VSIG8: variants seen among roughly 807,000 people sequenced by gnomAD.
The protein encoded by VSIG8 is V-set and immunoglobulin domain containing 8.
In VSIG8, 32 loss-of-function variants were observed where a neutral mutation model predicts 42.6. The observed-to-expected ratio is 0.75, with a 90% CI of 0.57 to 1.01. VSIG8 has a LOEUF of 1.01. Among genes scored for constraint, VSIG8 ranks in the 50% least tolerant of loss-of-function variants. VSIG8 has a pLI of 0.00. For missense variants in VSIG8, 529 were observed against 558.0 expected, an observed-to-expected ratio of 0.95 and a Z score of 0.52; for synonymous variants, 290 against 243.8, an observed-to-expected ratio of 1.19 and a Z score of -1.77.
chr1:159,854,847 G>T lies in VSIG8; in HGVS notation c.1151C>A (p.Ala384Glu). 6.7e-7 allele frequency: 1 copy of T among 1,483,126 alleles called. No homozygotes were observed. The allele number at this position is 1,483,126 out of a possible 1,614,324, so 91.9% of individuals were successfully genotyped here. A position where few individuals can be genotyped will look rare whatever the true frequency, so the allele number is the denominator to read the frequency against. Residue 384 changes from alanine (A) to glutamate (E), a missense_variant, in exon 7 of 7, where the codon GCG becomes GAG. By Grantham distance (107) the Ala-to-Glu change is moderately radical. Coordinates refer to ENST00000368100, the MANE Select transcript of VSIG8 (RefSeq NM_001013661.1). Reference sequence around the variant, plus strand: ...CTTGACGTAGACCGGGGAGGGGCCCGCTTCGCAGGCGGCGGCGGCGGTGCA... The same window carrying T: ...CTTGACGTAGACCGGGGAGGGGCCCTCTTCGCAGGCGGCGGCGGCGGTGCA... ...APCTAAAACE[A>E]GPSPVYVKVK...
At position 159,858,920 on chromosome 1, in the gene VSIG8, G is replaced by C; in HGVS notation, c.50-8C>G. 1 of 1,609,490 alleles carries C rather than the reference G, an allele frequency of 6.2e-7. No individual in the cohort carries two copies. On this transcript the variant is annotated splice_region_variant and splice_polypyrimidine_tract_variant and intron_variant, in intron 1 of 6. Transcript: ENST00000368100. ...GCACAGCAGACAGCAGTGCTAGGGG[G>C]AGGGCAGAGAAGATGGGGTGGTAGG...
At chr1:159,857,391 T>C (rs566056999) in intron 4 of VSIG8, among the ~76,000 whole-genome samples, 1 of 152,200 alleles carries the variant, frequency 6.6e-6, no homozygotes, top group East Asian at 1.9e-4. Context: ...CTGGCTAACA[T>C]GGTAAAACCC....
intron 2 of VSIG8, 139 bp from the exon 3 acceptor site, chr1:159,858,430 C>T: frequency 1.1e-6 from 1 of 883,774 alleles, no homozygotes; most frequent in South Asian, 1.6e-5. Context: ...GATGCCTGAG[C>T]CACTGACCTC....
chr1:159,854,771 C>T lies in VSIG8; in HGVS notation c.1227G>A (p.Lys409=). 6.7e-7 allele frequency: 1 copy of T among 1,500,618 alleles called. No individual in the cohort carries two copies. Among genetic ancestry groups the T allele is most frequent in the Admixed American group, 2.2e-5 (1 of 46,390 alleles). The allele number at this position is 1,500,618 out of a possible 1,614,324, so 93.0% of individuals were successfully genotyped here. A position where few individuals can be genotyped will look rare whatever the true frequency, so the allele number is the denominator to read the frequency against. Residue 409 remains lysine, a synonymous_variant, in exon 7 of 7, where the codon AAG becomes AAA. Coordinates refer to ENST00000368100, the MANE Select transcript of VSIG8 (RefSeq NM_001013661.1). ...ADCAEGPVQC[K]NGLLV ...CGCGCGCTCACACCAAGAGGCCGTT[C>T]TTGCACTGCACCGGCCCCTCGGCGC...
At position 159,862,492 on chromosome 1, in the gene VSIG8, T is replaced by C; in HGVS notation, c.30A>G (p.Leu10=). MRVGGAFHL[L]LVCLSPALLS... ...CCGTACCTGGGCTCAGGCACACGAG[T>C]AGAAGGTGGAATGCTCCTCCAACTC... Residue 10 remains leucine, a synonymous_variant, in exon 1 of 7, where the codon CTA becomes CTG. Transcript: ENST00000368100. 1 of 1,612,968 alleles carries C rather than the reference T, an allele frequency of 6.2e-7. No homozygotes were observed. Among genetic ancestry groups the C allele is most frequent in the Non-Finnish European group, 8.5e-7 (1 of 1,179,412 alleles).
intron 4 of VSIG8, 95 bp downstream of exon 4, chr1:159,857,650 T>G: frequency 1.0e-6 from 1 of 994,246 alleles, no homozygotes. Flanking sequence ...CCAGGTTTGA[T>G]TTGATGGCAC....
At chr1:159,858,972 C>A in intron 1 of VSIG8, 60 bp from the exon 2 acceptor site, 1 of 1,542,126 alleles carries the variant, frequency 6.5e-7, no homozygotes, top group South Asian at 1.2e-5. Context: ...CAGGAGGAGT[C>A]AGTGTCAGCC....
chr1:159,858,903 G>C lies in VSIG8; in HGVS notation c.59C>G (p.Ser20Cys), dbSNP rs1015345859. 1 of 1,613,282 alleles carries C rather than the reference G, an allele frequency of 6.2e-7. No individual in the cohort carries two copies. Among genetic ancestry groups the C allele is most frequent in the African/African-American group, 1.3e-5 (1 of 74,902 alleles). Residue 20 changes from serine to cysteine, a missense_variant, in exon 2 of 7, where the codon TCT (serine) becomes TGT (cysteine). Physicochemically the swap from Ser to Cys is moderately radical, Grantham distance 112. Coordinates refer to ENST00000368100, the MANE Select transcript of VSIG8 (RefSeq NM_001013661.1). ...LLVCLSPALL[S>C]AVRINGDGQE... ...TCCATCCCCGTTGATCCGCACAGCA[G>C]ACAGCAGTGCTAGGGGGAGGGCAGA...
At chr1:159,860,176 A>G (rs1318913859) in intron 1 of VSIG8, among the ~76,000 whole-genome samples, 1 of 152,160 alleles carries the variant, frequency 6.6e-6, no homozygotes, top group East Asian at 1.9e-4. Context: ...ATGTTTACAC[A>G]TAGAGATCTC....
At chr1:159,862,415 C>A in intron 1 of VSIG8, 58 bp downstream of exon 1, 1 of 1,546,294 alleles carries the variant, frequency 6.5e-7, no homozygotes, top group Non-Finnish European at 8.8e-7. Context: ...CCCTTGCTGC[C>A]CCTTTCCTTC....
At position 159,854,913 on chromosome 1, in the gene VSIG8, G is replaced by C; in HGVS notation, c.1085C>G (p.Pro362Arg). The C allele has an allele frequency of 6.7e-7, 1 of 1,497,182 alleles. No individual in the cohort carries two copies. The highest frequency in any genetic ancestry group is 8.8e-7 in the Non-Finnish European group (1 of 1,130,964). 92.7% of individuals were successfully genotyped at this position (1,497,182 alleles called of 1,614,324 possible). A position where few individuals can be genotyped will look rare whatever the true frequency, so the allele number is the denominator to read the frequency against. ...VSRSLRRKYA[P>R]PPCGGPEDVA... is the part of the protein sequence containing the mutation. ...GTCCTCGGGGCCGCCGCAGGGGGGA[G>C]GCGCGTACTTGCGGCGCAGGGAGCG... The change falls in exon 7 of 7, where the codon CCT (proline) becomes CGT (arginine). Residue 362 changes from proline to arginine, a missense_variant. Pro to Arg is a moderately radical substitution (Grantham distance 103). Transcript: ENST00000368100.
At position 159,858,794 on chromosome 1, in the gene VSIG8, A is replaced by G; in HGVS notation, c.168T>C (p.Asn56=). 6.2e-7 allele frequency: 1 copy of G among 1,613,910 alleles called. No homozygotes were observed. The highest frequency in any genetic ancestry group is 8.5e-7 in the Non-Finnish European group (1 of 1,179,974). Residue 56 remains asparagine (N), a synonymous_variant, in exon 2 of 7, where the codon AAT becomes AAC. Coordinates refer to ENST00000368100, the MANE Select transcript of VSIG8 (RefSeq NM_001013661.1). ...CCTGCATCCACTCGATGTCCAGCCC[A>G]TTGGGACCATAGTCCTCAGGGTCCA... ...YVLDPEDYGP[N]GLDIEWMQVN...
In VSIG8 at chr1:159,862,654, G is replaced by T; in HGVS notation, c.-133C>A. On this transcript the variant is annotated 5_prime_UTR_variant, in exon 1 of 7. Coordinates refer to ENST00000368100, the MANE Select transcript of VSIG8 (RefSeq NM_001013661.1). Reference sequence around the variant, plus strand: ...GCCTGGGGTGGCAGGAAGGTGCAATGAGTGCCCAGCTGGGGAGCAGCTGGA... The same window carrying T: ...GCCTGGGGTGGCAGGAAGGTGCAATTAGTGCCCAGCTGGGGAGCAGCTGGA... 1 of 786,464 alleles carries T rather than the reference G, an allele frequency of 1.3e-6. No homozygotes were observed. Among genetic ancestry groups the T allele is most frequent in the South Asian group, 1.8e-5 (1 of 55,378 alleles). The allele number at this position is 786,464 out of a possible 1,614,324, so 48.7% of individuals were successfully genotyped here.
At chr1:159,857,023 G>T (rs1046984665) in intron 4 of VSIG8, among the ~76,000 whole-genome samples, 1 of 152,186 alleles carries the variant, frequency 6.6e-6, no homozygotes, top group Non-Finnish European at 1.5e-5. Flanking sequence ...AATATTTTCA[G>T]CTTCTCTATG....
intron 1 of VSIG8, among the ~76,000 whole-genome samples, chr1:159,859,834 T>C (rs1353794731): frequency 6.6e-6 from 1 of 152,034 alleles, no homozygotes; most frequent in Non-Finnish European, 1.5e-5. Flanking sequence ...CTCCTGCCAC[T>C]GAGTCAGTGG....
intron 1 of VSIG8, among the ~76,000 whole-genome samples, chr1:159,859,562 G>T (rs895451418): frequency 6.6e-6 from 1 of 152,166 alleles, no homozygotes; most frequent in Admixed American, 6.5e-5. Context: ...GTATAGTGAT[G>T]TGTGACCATG....
In VSIG8 at chr1:159,858,315, G is replaced by T. The variant is rs1217327606; in HGVS notation, c.229-24C>A. 1.9e-6 allele frequency: 3 copies of T among 1,613,826 alleles called. No individual in the cohort carries two copies. In the South Asian group the frequency reaches 3.3e-5, roughly 18 times the overall value. ...AACTGTGAAGAGGAGAGGAAAACAG[G>T]TGGTGAAACAGGCAGAGCCAAGAAG... On this transcript the variant is annotated intron_variant, in intron 2 of 6. Coordinates refer to ENST00000368100, the MANE Select transcript of VSIG8 (RefSeq NM_001013661.1).
At chr1:159,859,986 C>T (rs891612477) in intron 1 of VSIG8, among the ~76,000 whole-genome samples, 3 of 152,032 alleles carry the variant, frequency 2.0e-5, no homozygotes, top group Non-Finnish European at 4.4e-5. Context: ...GGGGTGTAGC[C>T]AGGGCCCCAC....
chr1:159,857,760 T>G lies in VSIG8; in HGVS notation c.637A>C (p.Ser213Arg). ...GCCCTCTCACCTTGGTTTATGGAGC[T>G]GTGGAAGGACTCCTGGTAGGACAGC... ...SELSYQESFH[S>R]SINQGLNNGD... Residue 213 changes from serine (S) to arginine (R), a missense_variant, in exon 4 of 7, where the codon AGC becomes CGC. Physicochemically the swap from Ser to Arg is moderately radical, Grantham distance 110. Coordinates refer to ENST00000368100, the MANE Select transcript of VSIG8 (RefSeq NM_001013661.1). 1 of 1,614,022 alleles carries G rather than the reference T, an allele frequency of 6.2e-7. No homozygotes were observed. The highest frequency in any genetic ancestry group is 2.2e-5 in the East Asian group (1 of 44,876).
Sources: allele counts gnomAD v4.1 joint callset (sites outside exome capture counted in the v4.1 genomes callset), GRCh38; gene constraint gnomAD v4.1.1; transcripts MANE v1.5; gene names NCBI Gene and HGNC (gene_info 2026-07-23, HGNC 2026-07-21).